DNAJC5: variants seen among roughly 807,000 people sequenced by gnomAD.
The protein encoded by DNAJC5 is dnaJ homolog subfamily C member 5.
A neutral mutation model predicts 23.2 loss-of-function variants in DNAJC5; 1 was observed. That is an observed-to-expected ratio of 0.04 (90% CI 0.02 to 0.20). The LOEUF (loss-of-function observed/expected upper bound fraction) is 0.20, where lower values mean the gene tolerates loss of function less well. DNAJC5 is among the 10% of genes least tolerant of loss of function. DNAJC5 has a pLI of 1.00. For missense variants in DNAJC5, 180 were observed against 267.0 expected (o/e 0.67, Z 2.27); for synonymous variants, 136 against 120.0 (o/e 1.13, Z -0.87).
At position 63,931,673 on chromosome 20, in the gene DNAJC5, C is replaced by T. The variant is rs951343479; in HGVS notation, c.*105C>T. The T allele has an allele frequency of 2.6e-5, 32 of 1,252,250 alleles. 1 individual carries two copies. The highest frequency in any genetic ancestry group is 3.8e-5 in the South Asian group (3 of 78,130). 77.6% of individuals were successfully genotyped at this position (1,252,250 alleles called of 1,614,324 possible). A position where few individuals can be genotyped will look rare whatever the true frequency, so the allele number is the denominator to read the frequency against. On this transcript the variant is annotated 3_prime_UTR_variant, in exon 5 of 5. Coordinates refer to ENST00000360864, the MANE Select transcript of DNAJC5 (RefSeq NM_025219.3). This position sits in a 1 kb window ranked among gnomAD's most constrained non-coding sequence, Gnocchi z 9.6. The stretch of plus-strand genomic sequence containing the variant: ...ATGGGAAGGCAGCCTCCTGCCTGCC[C>T]TGGCCTTGCTGGGGCCCCTCCTGCC...
In DNAJC5 at chr20:63,935,944, C is replaced by T. The variant is rs183854692; in HGVS notation, c.*4376C>T. 7 of 152,290 alleles carry T rather than the reference C, an allele frequency of 4.6e-5. No homozygotes were observed. The highest frequency in any genetic ancestry group is 1.7e-4 in the African/African-American group (7 of 41,558). The allele number at this position is 152,290 out of a possible 1,614,324, so 9.4% of individuals were successfully genotyped here. The stretch of plus-strand genomic sequence containing the variant: ...ACACATCTAAGGGCCAGGCTGGTTC[C>T]GCATGGTGATCTCCGTCTTGTATGT... On this transcript the variant is annotated 3_prime_UTR_variant, in exon 5 of 5. Transcript: ENST00000360864.
rs1349641328 is a variant in DNAJC5, at chr20:63,933,441, C to G, written c.*1873C>G. On this transcript the variant is annotated 3_prime_UTR_variant, in exon 5 of 5. Coordinates refer to ENST00000360864, the MANE Select transcript of DNAJC5 (RefSeq NM_025219.3). The stretch of plus-strand genomic sequence containing the variant: ...CTAGGTCCTGGGCAGCTTTGTTTGT[C>G]CCACTTTTCTTTGTTTCTTCTCACT... 6.6e-6 allele frequency: 1 copy of G among 152,426 alleles called. No individual in the cohort carries two copies. The highest frequency in any genetic ancestry group is 1.9e-4 in the East Asian group (1 of 5,308). 9.4% of individuals were successfully genotyped at this position (152,426 alleles called of 1,614,324 possible).
chr20:63,919,203 G>C (rs556316663), intron 1 of DNAJC5, among the ~76,000 whole-genome samples: 7 of 152,340 alleles, frequency 4.6e-5, no homozygotes, highest in African/African-American at 1.7e-4. Context: ...GCATTCTGAG[G>C]AGCAGGGACC....
chr20:63,931,243 C>T lies in DNAJC5; in HGVS notation c.493+221C>T. 2.5e-6 allele frequency: 2 copies of T among 788,258 alleles called. No homozygotes were observed. The highest frequency in any genetic ancestry group is 2.0e-5 in the Admixed American group (1 of 49,860). The allele number at this position is 788,258 out of a possible 1,614,324, so 48.8% of individuals were successfully genotyped here. On this transcript the variant is annotated intron_variant, in intron 4 of 4. Transcript: ENST00000360864. The surrounding 1 kb of genome is among the most constrained non-coding windows in gnomAD (Gnocchi z 9.6). ...CTGCGGTAGCCGTAGATCCCAGGGA[C>T]TGCGAGGCGGGGCAGGGCGGCAGGC...
At chr20:63,924,306 G>A (rs193203268) in intron 1 of DNAJC5, among the ~76,000 whole-genome samples, 57 of 152,300 alleles carry the variant, frequency 3.7e-4, no homozygotes, top group Non-Finnish European at 5.7e-4. Flanking sequence ...CTTCTAATCC[G>A]TGAACATGAG....
chr20:63,900,403 C>T (rs2053404045), intron 1 of DNAJC5, among the ~76,000 whole-genome samples: 1 of 151,580 alleles, frequency 6.6e-6, no homozygotes, highest in South Asian at 2.1e-4. Context: ...ATAGCAAAAC[C>T]CCATCTGTAC....
chr20:63,913,915 C>T (rs188737396), intron 1 of DNAJC5, among the ~76,000 whole-genome samples: 24 of 152,300 alleles, frequency 1.6e-4, no homozygotes, highest in Admixed American at 7.8e-4. Context: ...ATATTCAGAC[C>T]GTCCATTGCA....
intron 1 of DNAJC5, among the ~76,000 whole-genome samples, chr20:63,901,264 C>T (rs1361070718): frequency 6.6e-6 from 1 of 152,224 alleles, no homozygotes; most frequent in African/African-American, 2.4e-5. Flanking sequence ...TGTGCTCAAT[C>T]TGCGTTCTGA....
chr20:63,923,140 CA>C (rs2053585433), intron 1 of DNAJC5, among the ~76,000 whole-genome samples: 1 of 147,090 alleles, frequency 6.8e-6, no homozygotes, highest in Admixed American at 6.8e-5. Flanking sequence ...GACTCTGTCT[CA>C]AAAAAGAAAA....
chr20:63,924,141 TTAA>T (rs764355545), intron 1 of DNAJC5, among the ~76,000 whole-genome samples: 35 of 152,270 alleles, frequency 2.3e-4, no homozygotes, highest in Non-Finnish European at 4.1e-4. Flanking sequence ...GTTCTTTTTA[TTAA>T]TGTTGCTGTG....
At chr20:63,903,884 G>A (rs1222086228) in intron 1 of DNAJC5, among the ~76,000 whole-genome samples, 1 of 152,208 alleles carries the variant, frequency 6.6e-6, no homozygotes, top group East Asian at 1.9e-4. Context: ...TCAGGAATTT[G>A]AGACCAGCCT....
intron 1 of DNAJC5, among the ~76,000 whole-genome samples, chr20:63,902,854 T>G (rs2053423407): frequency 6.6e-6 from 1 of 151,080 alleles, no homozygotes; most frequent in South Asian, 2.1e-4. Flanking sequence ...GTTTTTTGTA[T>G]TTTTAGTAGA....
intron 1 of DNAJC5, among the ~76,000 whole-genome samples, chr20:63,914,998 G>A (rs2065993): frequency 0.29 from 43,954 of 152,022 alleles, 7,867 homozygotes; most frequent in East Asian, 0.58. Context: ...TCAAAATGGA[G>A]CAAAATGGAG....
At chr20:63,930,006 C>T (rs1223629025) in intron 3 of DNAJC5, among the ~76,000 whole-genome samples, 3 of 152,196 alleles carry the variant, frequency 2.0e-5, no homozygotes, top group African/African-American at 4.8e-5. Flanking sequence ...CCCAGTCCTT[C>T]GTGAGACAGG....
intron 1 of DNAJC5, among the ~76,000 whole-genome samples, chr20:63,911,237 C>T (rs2053481075): frequency 2.0e-5 from 3 of 152,120 alleles, no homozygotes. Flanking sequence ...CTAATCATAC[C>T]TTTGGAATGG....
intron 1 of DNAJC5, among the ~76,000 whole-genome samples, chr20:63,900,504 G>A (rs1176746304): frequency 6.7e-6 from 1 of 150,334 alleles, no homozygotes; most frequent in East Asian, 2.0e-4. Flanking sequence ...CTGAGCCTGG[G>A]AGGCTGAGGC....
intron 1 of DNAJC5, among the ~76,000 whole-genome samples, chr20:63,912,661 G>A (rs1231198120): frequency 6.6e-6 from 1 of 152,176 alleles, no homozygotes; most frequent in Non-Finnish European, 1.5e-5. Context: ...AGGCTGGAGT[G>A]CAGTGGCGTG....
intron 1 of DNAJC5, among the ~76,000 whole-genome samples, chr20:63,906,673 C>T (rs1324897759): frequency 6.6e-6 from 1 of 152,006 alleles, no homozygotes; most frequent in Non-Finnish European, 1.5e-5. Context: ...ATAGTCCCAG[C>T]TACTCGGGAG....
intron 1 of DNAJC5, among the ~76,000 whole-genome samples, chr20:63,899,057 G>GA (rs1282020592): frequency 6.6e-6 from 1 of 152,212 alleles, no homozygotes; most frequent in Admixed American, 6.5e-5. Context: ...GGGCTCACGT[G>GA]ACTGGGGCCG....
Sources: allele counts gnomAD v4.1 joint callset (sites outside exome capture counted in the v4.1 genomes callset), GRCh38; gene constraint gnomAD v4.1.1; non-coding constraint Gnocchi (gnomAD v3.1); transcripts MANE v1.5; gene names NCBI Gene and HGNC (gene_info 2026-07-23, HGNC 2026-07-21).